ACP6: variants seen among roughly 807,000 people sequenced by gnomAD.
ACP6 encodes lysophosphatidic acid phosphatase type 6.
ACP6 carries 48 observed loss-of-function variants against 48.1 expected under a neutral mutation model. The observed-to-expected ratio is 1.00, with a 90% CI of 0.79 to 1.27. The LOEUF is 1.27. Ranked by LOEUF, ACP6 falls within the 50% of genes most tolerant of loss-of-function variation. The pLI is 0.00. For missense variants in ACP6, 485 were observed against 529.1 expected (o/e 0.92, Z 0.82); for synonymous variants, 172 against 204.2 (o/e 0.84, Z 1.34).
intron 4 of ACP6, among the ~76,000 whole-genome samples, 198 bp from the exon 5 acceptor site, chr1:147,655,446 C>T (rs962021785): frequency 6.6e-6 from 1 of 152,154 alleles, no homozygotes; most frequent in Admixed American, 6.5e-5. Flanking sequence ...ATAATCTGAG[C>T]AATGAAAAAA....
downstream of ACP6, among the ~76,000 whole-genome samples, chr1:147,637,584 A>G (rs870434): frequency 0.12 from 18,948 of 152,136 alleles, 1,335 homozygotes; most frequent in East Asian, 0.34. Flanking sequence ...ACTGTGCAGG[A>G]TGGAACATCA....
intron 7 of ACP6, 53 bp downstream of exon 7, chr1:147,652,396 C>A: frequency 1.3e-6 from 2 of 1,549,546 alleles, no homozygotes; most frequent in Non-Finnish European, 1.8e-6. Context: ...CTTCCCCATA[C>A]ACTTGGATGT....
rs1553212422 is a variant in ACP6, at chr1:147,659,780, T to C, written c.220-5A>G. On this transcript the variant is annotated splice_polypyrimidine_tract_variant and splice_region_variant and intron_variant, in intron 1 of 9. Coordinates refer to ENST00000583509, the MANE Select transcript of ACP6 (RefSeq NM_016361.5). ...TAGCTGGGGGTTCCACTCTACCTGT[T>C]AGTACAAAAAAAACACACCACATTG... The C allele has an allele frequency of 1.9e-6, 3 of 1,612,554 alleles. No individual in the cohort carries two copies. Among genetic ancestry groups the C allele is most frequent in the South Asian group, 1.1e-5 (1 of 90,964 alleles).
In ACP6 at chr1:147,642,888, A is replaced by C. The variant is rs1318602135; in HGVS notation, c.*4535T>G. On this transcript the variant is annotated 3_prime_UTR_variant, in exon 10 of 10. Transcript: ENST00000583509. ...CATTTGCTAGGGCCTGCCGTAGCAA[A>C]GTATCACAGACTAGGTGGCTTAAAC... The C allele has an allele frequency of 2.6e-5, 4 of 152,212 alleles. No homozygotes were observed. The highest frequency in any genetic ancestry group is 2.6e-4 in the Admixed American group (4 of 15,282). The allele number at this position is 152,212 out of a possible 1,614,324, so 9.4% of individuals were successfully genotyped here.
chr1:147,665,267 A>G (rs1553213459), intron 1 of ACP6, among the ~76,000 whole-genome samples: 1 of 152,214 alleles, frequency 6.6e-6, no homozygotes, highest in African/African-American at 2.4e-5. Flanking sequence ...AGAAAAGCCC[A>G]TTTTGAGATG....
At chr1:147,656,135 A>G (rs1660246768) in intron 4 of ACP6, among the ~76,000 whole-genome samples, 1 of 152,178 alleles carries the variant, frequency 6.6e-6, no homozygotes, top group Non-Finnish European at 1.5e-5. Flanking sequence ...AATAGCCTAT[A>G]ACTTTACTAG....
chr1:147,666,950 T>C (rs1333725870), intron 1 of ACP6, among the ~76,000 whole-genome samples: 2 of 152,144 alleles, frequency 1.3e-5, no homozygotes, highest in East Asian at 3.9e-4. Flanking sequence ...TAATCAACAG[T>C]GAAGCTGGGG....
In ACP6 at chr1:147,647,071, TCACTACTTAGTAGGTA is replaced by T. The variant is rs1659654480; in HGVS notation, c.*336_*351del. ...CAGAGTGTTTTCACCTTTATAATGATCACTACTTAGTAGGTAGCTCAATACATGTGAAATTAATATA... is the reference window on the plus strand; with the variant it reads ...CAGAGTGTTTTCACCTTTATAATGATGCTCAATACATGTGAAATTAATATA... On this transcript the variant is annotated 3_prime_UTR_variant, in exon 10 of 10. Transcript: ENST00000583509. 1 of 219,726 alleles carries T rather than the reference TCACTACTTAGTAGGTA, an allele frequency of 4.6e-6. No homozygotes were observed. Among genetic ancestry groups the T allele is most frequent in the Middle Eastern group, 1.8e-3 (1 of 546 alleles). 13.6% of individuals were successfully genotyped at this position (219,726 alleles called of 1,614,324 possible).
intron 1 of ACP6, among the ~76,000 whole-genome samples, chr1:147,663,234 A>T (rs1660633641): frequency 6.6e-6 from 1 of 152,186 alleles, no homozygotes; most frequent in South Asian, 2.1e-4. Context: ...TTGTCTGTGT[A>T]GAATCTAAAG....
At chr1:147,647,785 G>T in intron 9 of ACP6, 1 of 647,236 alleles carries the variant, frequency 1.5e-6, no homozygotes, top group Non-Finnish European at 2.5e-6. Context: ...TGGGAAGAAA[G>T]AGTCGAGTTA....
In ACP6 at chr1:147,646,233, A is replaced by G. The variant is rs1659618170; in HGVS notation, c.*1190T>C. ...AAAATGTGAGACAAAGAAAACAAAGACAGATTTCTGATTTGGCAACTGGGT... is the reference window on the plus strand; with the variant it reads ...AAAATGTGAGACAAAGAAAACAAAGGCAGATTTCTGATTTGGCAACTGGGT... On this transcript the variant is annotated 3_prime_UTR_variant, in exon 10 of 10. Coordinates refer to ENST00000583509, the MANE Select transcript of ACP6 (RefSeq NM_016361.5). 6.6e-6 allele frequency: 1 copy of G among 152,238 alleles called. No homozygotes were observed. The highest frequency in any genetic ancestry group is 1.5e-5 in the Non-Finnish European group (1 of 68,060). The allele number at this position is 152,238 out of a possible 1,614,324, so 9.4% of individuals were successfully genotyped here. A position where few individuals can be genotyped will look rare whatever the true frequency, so the allele number is the denominator to read the frequency against.
Position 147,669,823 on chromosome 1 carries a change from C to T in ACP6, c.219+7G>A. 2 of 1,572,556 alleles carry T rather than the reference C, an allele frequency of 1.3e-6. No homozygotes were observed. The highest frequency in any genetic ancestry group is 1.1e-5 in the South Asian group (1 of 87,160). ...CCCACCAGCCCCAGCCCGGGCCGAC[C>T]TCTCACCTGCTCCTCCAGCGGGAGC... On this transcript the variant is annotated splice_region_variant and intron_variant, in intron 1 of 9. Coordinates refer to ENST00000583509, the MANE Select transcript of ACP6 (RefSeq NM_016361.5).
At chr1:147,657,328 C>T (rs969820234) in intron 4 of ACP6, among the ~76,000 whole-genome samples, 9 of 152,280 alleles carry the variant, frequency 5.9e-5, no homozygotes, top group East Asian at 1.9e-4. Context: ...GTAGCCTATA[C>T]GTAACCACTG....
intron 9 of ACP6, 150 bp from the exon 10 acceptor site, chr1:147,647,716 T>C: frequency 9.7e-7 from 1 of 1,033,268 alleles, no homozygotes; most frequent in East Asian, 2.6e-5. Flanking sequence ...CCGGTGAGCT[T>C]CCAGAATAAA....
chr1:147,632,086 C>A (rs1659179868), intron 5 of ACP6, among the ~76,000 whole-genome samples: 1 of 151,828 alleles, frequency 6.6e-6, no homozygotes, highest in Non-Finnish European at 1.5e-5. Flanking sequence ...TACTTGACTC[C>A]AGGCTTTCCC....
Position 147,669,843 on chromosome 1 carries a change from G to A in ACP6, c.206C>T (p.Pro69Leu), listed in dbSNP as rs782668820. 1 of 1,593,260 alleles carries A rather than the reference G, an allele frequency of 6.3e-7. No individual in the cohort carries two copies. The highest frequency in any genetic ancestry group is 8.6e-7 in the Non-Finnish European group (1 of 1,168,740). Reference protein sequence around the residue: ...HGARSPLKPLPLEEQVEWNPQ... With the variant: ...HGARSPLKPLLLEEQVEWNPQ... ...CCGACCTCTCACCTGCTCCTCCAGC[G>A]GGAGCGGCTTGAGAGGACTCCGAGC... The change falls in exon 1 of 10, where the codon CCG becomes CTG. Residue 69 changes from proline (P) to leucine (L), a missense_variant. By Grantham distance (98) the Pro-to-Leu change is moderately conservative. Transcript: ENST00000583509.
At chr1:147,654,399 G>A in intron 5 of ACP6, 73 bp from the exon 6 acceptor site, 1 of 1,552,366 alleles carries the variant, frequency 6.4e-7, no homozygotes, top group South Asian at 1.2e-5. Context: ...TTCACACTTG[G>A]GTTATCATTT....
At chr1:147,632,912 C>T (rs1659207913) in intron 5 of ACP6, among the ~76,000 whole-genome samples, 1 of 152,080 alleles carries the variant, frequency 6.6e-6, no homozygotes, top group Non-Finnish European at 1.5e-5. Context: ...CCCAAGACTT[C>T]ATTGGATAAT....
intron 7 of ACP6, chr1:147,651,393 C>T (rs1486237822): frequency 6.6e-6 from 1 of 152,162 alleles, no homozygotes; most frequent in Non-Finnish European, 1.5e-5. Flanking sequence ...ACAGCCATGT[C>T]TATTTGTTTG....
Sources: gnomAD v4.1 joint callset for allele counts (sites outside exome capture counted in the v4.1 genomes callset) on GRCh38, gnomAD v4.1.1 for gene constraint, MANE v1.5 for transcripts, NCBI Gene and HGNC (gene_info 2026-07-23, HGNC 2026-07-21) for gene names.